The following PHC3 variants were observed in gnomAD, a reference collection of about 807,000 sequenced individuals.
PHC3 encodes polyhomeotic-like protein 3.
PHC3 carries 13 observed loss-of-function variants against 107.4 expected under a neutral mutation model. The ratio of observed to expected loss-of-function variants is 0.12; its 90% confidence interval spans 0.08 to 0.19. The LOEUF (loss-of-function observed/expected upper bound fraction) is 0.19, where lower values mean the gene tolerates loss of function less well. PHC3 is among the 10% of genes least tolerant of loss of function. The pLI is 1.00. For missense variants in PHC3, 992 were observed against 1,210.9 expected (o/e 0.82, Z 2.68); for synonymous variants, 456 against 427.4 (o/e 1.07, Z -0.83).
At chr3:170,117,110 TG>T in intron 10 of PHC3, 115 bp downstream of exon 10, 1 of 1,300,212 alleles carries the variant, frequency 7.7e-7, no homozygotes, top group Non-Finnish European at 1.1e-6. Flanking sequence ...TAGATTAAAA[TG>T]GACAACTTTC....
intron 14 of PHC3, chr3:170,102,183 G>A (rs890614606): frequency 3.0e-6 from 3 of 985,212 alleles, no homozygotes; most frequent in Non-Finnish European, 3.6e-6. Flanking sequence ...CTGACCTCTC[G>A]AGAGAAATCA....
chr3:170,164,429 A>G (rs1306478761), intron 4 of PHC3, among the ~76,000 whole-genome samples: 1 of 152,186 alleles, frequency 6.6e-6, no homozygotes, highest in Admixed American at 6.5e-5. Context: ...TTTGTTGTGT[A>G]CCATTACAGA....
At chr3:170,135,605 A>G (rs575341444) in intron 7 of PHC3, among the ~76,000 whole-genome samples, 5 of 152,258 alleles carry the variant, frequency 3.3e-5, no homozygotes, top group African/African-American at 1.2e-4. Flanking sequence ...GTTGAGAAAC[A>G]AAGGAAAAGG....
chr3:170,129,462 A>C lies in PHC3; in HGVS notation c.1010T>G (p.Leu337Arg), dbSNP rs761958881. Residue 337 changes from leucine to arginine, a missense_variant, in exon 8 of 15, where the codon CTG becomes CGG. Physicochemically the swap from Leu to Arg is moderately radical, Grantham distance 102. Around this residue, in one of 6 missense-constraint regions of PHC3, gnomAD observed 543 missense variants for 590.8 expected, o/e 0.92. Transcript: ENST00000495893. ...SPPSKVSHHQ[L>R]ILQQQQQQIQ... ...TTGCTGTTGCTGCTGTTGTAATATC[A>C]GCTGATGATGGGAAACTTTGGAAGG... 1.9e-6 allele frequency: 3 copies of C among 1,613,778 alleles called. No individual in the cohort carries two copies. The highest frequency in any genetic ancestry group is 2.5e-6 in the Non-Finnish European group (3 of 1,179,874).
intron 1 of PHC3, among the ~76,000 whole-genome samples, chr3:170,181,243 G>A (rs1731363572): frequency 6.6e-6 from 1 of 152,220 alleles, no homozygotes; most frequent in African/African-American, 2.4e-5. Flanking sequence ...CTGAGGAGGA[G>A]TGGGGTGGCG....
At chr3:170,156,830 C>T (rs1577200356) in intron 4 of PHC3, among the ~76,000 whole-genome samples, 1 of 147,990 alleles carries the variant, frequency 6.8e-6, no homozygotes, top group Non-Finnish European at 1.5e-5. Flanking sequence ...CTCCTGACCT[C>T]GTGATCCACG....
chr3:170,115,710 G>A (rs541117043), intron 10 of PHC3, among the ~76,000 whole-genome samples: 19 of 152,188 alleles, frequency 1.2e-4, no homozygotes, highest in African/African-American at 2.2e-4. Flanking sequence ...TAGTTCTCTC[G>A]ACAACTCTAA....
At chr3:170,155,564 T>G (rs1206631152) in intron 4 of PHC3, among the ~76,000 whole-genome samples, 1 of 151,876 alleles carries the variant, frequency 6.6e-6, no homozygotes, top group Non-Finnish European at 1.5e-5. Flanking sequence ...CTACCAAAAA[T>G]ACAAAAAATT....
At chr3:170,118,071 C>T (rs1392759975) in intron 9 of PHC3, among the ~76,000 whole-genome samples, 1 of 152,060 alleles carries the variant, frequency 6.6e-6, no homozygotes, top group African/African-American at 2.4e-5. Context: ...TATAAACTTA[C>T]AAATAATTTA....
intron 2 of PHC3, among the ~76,000 whole-genome samples, chr3:170,173,680 G>C (rs186234406): frequency 2.0e-5 from 3 of 152,056 alleles, no homozygotes; most frequent in Non-Finnish European, 4.4e-5. Flanking sequence ...TGCTGATACC[G>C]ATCTATATTT....
Position 170,129,451 on chromosome 3 carries a change from G to T in PHC3, c.1021C>A (p.Gln341Lys), listed in dbSNP as rs769175149. The T allele has an allele frequency of 6.2e-7, 1 of 1,613,934 alleles. No homozygotes were observed. Among genetic ancestry groups the T allele is most frequent in the South Asian group, 1.1e-5 (1 of 91,072 alleles). The change falls in exon 8 of 15, where the codon CAG (glutamine) becomes AAG (lysine). Residue 341 changes from glutamine (Q) to lysine (K), a missense_variant. Physicochemically the swap from Gln to Lys is moderately conservative, Grantham distance 53. Transcript: ENST00000495893. Reference protein sequence around the residue: ...KVSHHQLILQQQQQQIQPITL... With the variant: ...KVSHHQLILQKQQQQIQPITL... ...ATTGGCTGAATTTGCTGTTGCTGCT[G>T]TTGTAATATCAGCTGATGATGGGAA...
At chr3:170,175,511 C>T (rs1468161842) in intron 2 of PHC3, among the ~76,000 whole-genome samples, 1 of 151,968 alleles carries the variant, frequency 6.6e-6, no homozygotes, top group Non-Finnish European at 1.5e-5. Flanking sequence ...TCACATGTGC[C>T]TGTAGTCTCA....
intron 7 of PHC3, 50 bp downstream of exon 7, chr3:170,136,369 T>G: frequency 6.2e-7 from 1 of 1,607,958 alleles, no homozygotes; most frequent in East Asian, 2.2e-5. Flanking sequence ...TTGCTCTGTC[T>G]GCTAAGAAAA....
At chr3:170,175,118 G>T (rs1730215706) in intron 2 of PHC3, among the ~76,000 whole-genome samples, 1 of 152,126 alleles carries the variant, frequency 6.6e-6, no homozygotes, top group Non-Finnish European at 1.5e-5. Context: ...TTCACCCAAG[G>T]AGGGTGAAGA....
chr3:170,101,532 T>C (rs1042796002), intron 14 of PHC3, among the ~76,000 whole-genome samples: 6 of 152,214 alleles, frequency 3.9e-5, no homozygotes, highest in African/African-American at 1.2e-4. Flanking sequence ...CTAGAAAGCT[T>C]GTATCAAGAG....
chr3:170,106,947 C>A lies in PHC3; in HGVS notation c.2354-1G>T. The A allele has an allele frequency of 6.3e-7, 1 of 1,578,852 alleles. No individual in the cohort carries two copies. The highest frequency in any genetic ancestry group is 8.6e-7 in the Non-Finnish European group (1 of 1,165,500). ...TCACTGTCCATTTCTTCTAATGTCT[C>A]TAAAAAAGAAGGAAACAAAGGAAAA... On this transcript the variant is annotated splice_acceptor_variant, in intron 11 of 14. Coordinates refer to ENST00000495893, the MANE Select transcript of PHC3 (RefSeq NM_024947.4). LOFTEE classifies it high-confidence loss of function.
At chr3:170,130,933 A>T (rs2108477381) in intron 7 of PHC3, among the ~76,000 whole-genome samples, 1 of 152,126 alleles carries the variant, frequency 6.6e-6, no homozygotes, top group South Asian at 2.1e-4. Context: ...CTAACCTTGG[A>T]ATATTAGGAG....
chr3:170,174,030 T>C (rs1014475024), intron 2 of PHC3, among the ~76,000 whole-genome samples: 10 of 151,978 alleles, frequency 6.6e-5, no homozygotes, highest in African/African-American at 2.4e-4. Flanking sequence ...CTGTCTCTAC[T>C]AAAAATACAA....
intron 14 of PHC3, 180 bp downstream of exon 14, chr3:170,102,299 A>C (rs1349442664): frequency 3.0e-6 from 3 of 985,330 alleles, no homozygotes; most frequent in African/African-American, 3.5e-5. Flanking sequence ...GAAAATACCC[A>C]GTAGTGCTGA....
Sources: gnomAD v4.1 joint callset for allele counts (sites outside exome capture counted in the v4.1 genomes callset) on GRCh38, gnomAD v4.1.1 for gene constraint, gnomAD v4.1.1 regional missense constraint, MANE v1.5 for transcripts, NCBI Gene and HGNC (gene_info 2026-07-23, HGNC 2026-07-21) for gene names.